ZNF532: variants seen among roughly 807,000 people sequenced by gnomAD.
The protein encoded by ZNF532 is zinc finger protein 532.
ZNF532 carries 22 observed loss-of-function variants against 89.3 expected under a neutral mutation model. That is an observed-to-expected ratio of 0.25 (90% CI 0.18 to 0.35). The LOEUF is 0.35. Among genes scored for constraint, ZNF532 ranks in the 10% least tolerant of loss-of-function variants. The pLI is 1.00. For missense variants in ZNF532, 1,132 were observed against 1,643.4 expected, an observed-to-expected ratio of 0.69 and a Z score of 5.38; for synonymous variants, 606 against 649.6, an observed-to-expected ratio of 0.93 and a Z score of 1.02.
chr18:58,962,866 G>T (rs1484992882), intron 7 of ZNF532, among the ~76,000 whole-genome samples: 1 of 152,012 alleles, frequency 6.6e-6, no homozygotes, highest in African/African-American at 2.4e-5. Flanking sequence ...CTCCCAAAGT[G>T]CTGGGATTAC....
intron 2 of ZNF532, among the ~76,000 whole-genome samples, chr18:58,913,369 G>A (rs8083317): frequency 0.47 from 71,894 of 151,960 alleles, 18,025 homozygotes; most frequent in East Asian, 0.63. Context: ...GAAACATTAC[G>A]TAATATAAAC....
At position 58,920,612 on chromosome 18, in the gene ZNF532, G is replaced by T; in HGVS notation, c.2325G>T (p.Gln775His). Residue 775 changes from glutamine to histidine, a missense_variant, in exon 3 of 10, where the codon CAG becomes CAT. This residue lies in a region of ZNF532 where 100 missense variants were observed against 122.0 expected (regional missense o/e 0.82). Coordinates refer to ENST00000591808, the MANE Select transcript of ZNF532 (RefSeq NM_001375912.1). ...DETSLATHFQ[Q>H]AADTSGQKTC... ...CATCACTGGCTACACATTTCCAGCA[G>T]GCTGCAGATACGAGTGGACAAGTAG... The T allele has an allele frequency of 6.3e-7, 1 of 1,594,042 alleles. No homozygotes were observed. Among genetic ancestry groups the T allele is most frequent in the Non-Finnish European group, 8.6e-7 (1 of 1,166,932 alleles).
chr18:58,870,900 C>CTGTATCA (rs2056924010), intron 2 of ZNF532, among the ~76,000 whole-genome samples: 1 of 152,054 alleles, frequency 6.6e-6, no homozygotes, highest in African/African-American at 2.4e-5. Flanking sequence ...GGACTTGATA[C>CTGTATCA]AGTGAGTTCA....
At chr18:58,893,219 C>A (rs2059021318) in intron 2 of ZNF532, among the ~76,000 whole-genome samples, 1 of 152,072 alleles carries the variant, frequency 6.6e-6, no homozygotes, top group African/African-American at 2.4e-5. Flanking sequence ...CTCAGGTGAT[C>A]TGCCTGCCTC....
At chr18:58,890,670 C>A (rs956370568) in intron 2 of ZNF532, among the ~76,000 whole-genome samples, 7 of 150,820 alleles carry the variant, frequency 4.6e-5, no homozygotes, top group African/African-American at 1.7e-4. Flanking sequence ...CCTGTATTCT[C>A]ACCAGTCACT....
chr18:58,970,952 C>T (rs573940397), intron 7 of ZNF532, among the ~76,000 whole-genome samples: 1 of 152,318 alleles, frequency 6.6e-6, no homozygotes, highest in East Asian at 1.9e-4. Flanking sequence ...CTTTTTTTCT[C>T]TGCCCAAGTG....
At chr18:58,969,951 C>G (rs893411294) in intron 7 of ZNF532, among the ~76,000 whole-genome samples, 5 of 131,056 alleles carry the variant, frequency 3.8e-5, no homozygotes, top group African/African-American at 1.4e-4. Context: ...GTGGCGTGAT[C>G]TCAGCTCACT....
intron 2 of ZNF532, among the ~76,000 whole-genome samples, chr18:58,891,242 C>A (rs1015416777): frequency 3.3e-5 from 5 of 151,908 alleles, no homozygotes; most frequent in African/African-American, 9.7e-5. Flanking sequence ...TTAAAAGGAA[C>A]CTGGAGGCCT....
intron 2 of ZNF532, among the ~76,000 whole-genome samples, chr18:58,885,369 G>T (rs2058227294): frequency 6.6e-6 from 1 of 152,088 alleles, no homozygotes; most frequent in South Asian, 2.1e-4. Flanking sequence ...AAGTACCTTT[G>T]ACAGAATTGC....
At chr18:58,887,228 G>C (rs925694104) in intron 2 of ZNF532, among the ~76,000 whole-genome samples, 2 of 152,224 alleles carry the variant, frequency 1.3e-5, no homozygotes, top group Non-Finnish European at 2.9e-5. Context: ...GCAGTGGTTT[G>C]GTATTTAGTA....
chr18:58,926,547 C>T (rs1355451305), intron 3 of ZNF532, among the ~76,000 whole-genome samples: 1 of 152,098 alleles, frequency 6.6e-6, no homozygotes, highest in Admixed American at 6.6e-5. Flanking sequence ...GGGGTTTCTC[C>T]ATGTTGGTCA....
chr18:58,982,851 A>G lies in ZNF532; in HGVS notation c.3412-1121A>G, dbSNP rs562395755. ...GTGTGAAGCCAAGGCGTGGTGGCTC[A>G]CACCTGTAATCCCAGCACTTTGGGA... On this transcript the variant is annotated intron_variant, in intron 9 of 9. Transcript: ENST00000591808. Among the ~76,000 whole-genome samples the G allele has an allele frequency of 2.6e-5, 4 of 152,266 alleles. No individual in the cohort carries two copies. In the South Asian group the frequency reaches 8.3e-4, roughly 32 times the overall value.
intron 2 of ZNF532, among the ~76,000 whole-genome samples, chr18:58,871,650 G>C (rs1470421270): frequency 6.6e-6 from 1 of 152,216 alleles, no homozygotes; most frequent in Non-Finnish European, 1.5e-5. Flanking sequence ...CAAAGACACT[G>C]GCGCCGTTCA....
chr18:58,875,931 C>CT (rs71173091), intron 2 of ZNF532, among the ~76,000 whole-genome samples: 3,762 of 112,792 alleles, frequency 0.033, 341 homozygotes, highest in African/African-American at 0.1. Context: ...ACTTGGGGAT[C>CT]TTTTTTTTTT....
chr18:58,983,852 T>C (rs1287044913), intron 9 of ZNF532, 120 bp from the exon 10 acceptor site: 2 of 1,318,584 alleles, frequency 1.5e-6, no homozygotes, highest in Non-Finnish European at 2.1e-6. Flanking sequence ...TTAAAGCCCC[T>C]AAATCCCAAA....
Position 58,984,516 on chromosome 18 carries a change from A to G in ZNF532, c.*50A>G, listed in dbSNP as rs1222136702. On this transcript the variant is annotated 3_prime_UTR_variant, in exon 10 of 10. Transcript: ENST00000591808. ...CCCTGTCCACATTGGAATAAAAAAGACATTTTTGTTACAAAGTTTGCAGTA... is the reference window on the plus strand; with the variant it reads ...CCCTGTCCACATTGGAATAAAAAAGGCATTTTTGTTACAAAGTTTGCAGTA... The G allele has an allele frequency of 1.3e-6, 2 of 1,560,698 alleles. No homozygotes were observed. Among genetic ancestry groups the G allele is most frequent in the Non-Finnish European group, 1.7e-6 (2 of 1,156,238 alleles).
chr18:58,974,071 T>C (rs1194032395), intron 7 of ZNF532, among the ~76,000 whole-genome samples: 5 of 152,204 alleles, frequency 3.3e-5, no homozygotes, highest in Admixed American at 6.5e-5. Context: ...CACTTATTCA[T>C]AGAACTCTAC....
At chr18:58,896,460 A>C (rs1340222302) in intron 2 of ZNF532, 1 of 152,028 alleles carries the variant, frequency 6.6e-6, no homozygotes, top group South Asian at 2.1e-4. Flanking sequence ...TTATCTGGCC[A>C]ATCTACTGTG....
intron 7 of ZNF532, among the ~76,000 whole-genome samples, chr18:58,974,121 T>C (rs770625198): frequency 2.6e-5 from 4 of 152,166 alleles, no homozygotes; most frequent in African/African-American, 4.8e-5. Flanking sequence ...CTCAATAAGC[T>C]CAGTTTTTTT....
Sources: gnomAD v4.1 joint callset for allele counts (sites outside exome capture counted in the v4.1 genomes callset) on GRCh38, gnomAD v4.1.1 for gene constraint, gnomAD v4.1.1 regional missense constraint, MANE v1.5 for transcripts, NCBI Gene and HGNC (gene_info 2026-07-23, HGNC 2026-07-21) for gene names.